DNER: variants seen among roughly 807,000 people sequenced by gnomAD.
DNER encodes the protein delta/notch like EGF repeat containing.
In DNER, 33 loss-of-function variants were observed where a neutral mutation model predicts 78.2. The ratio of observed to expected loss-of-function variants is 0.42; its 90% CI spans 0.32 to 0.56. The LOEUF (loss-of-function observed/expected upper bound fraction) is 0.56, where lower values mean the gene tolerates loss of function less well. Ranked by LOEUF, DNER falls within the 20% of genes least tolerant of loss-of-function variation. DNER has a pLI of 0.11. For synonymous variants in DNER, 417 were observed against 384.8 expected, an observed-to-expected ratio of 1.08 and a Z score of -0.98; for missense variants, 918 against 975.3, an observed-to-expected ratio of 0.94 and a Z score of 0.78.
At chr2:229,399,885 A>T (rs1693230606) in intron 10 of DNER, among the ~76,000 whole-genome samples, 1 of 152,036 alleles carries the variant, frequency 6.6e-6, no homozygotes, top group African/African-American at 2.4e-5. Context: ...AAACTGTGAG[A>T]AAAGATTCTA....
intron 6 of DNER, among the ~76,000 whole-genome samples, chr2:229,478,829 C>T (rs760315533): frequency 2.0e-5 from 3 of 151,780 alleles, no homozygotes; most frequent in South Asian, 2.1e-4. Flanking sequence ...TTTTAAGTTC[C>T]GGGGTACCTG....
intron 1 of DNER, among the ~76,000 whole-genome samples, chr2:229,674,490 G>A (rs1485167061): frequency 2.6e-5 from 4 of 152,160 alleles, no homozygotes; most frequent in South Asian, 2.1e-4. Context: ...TGTTGACCAG[G>A]CTGGCCTCGA....
At chr2:229,512,746 A>G in intron 6 of DNER, 37 bp downstream of exon 6, 4 of 1,612,730 alleles carry the variant, frequency 2.5e-6, no homozygotes, top group Non-Finnish European at 3.4e-6. Flanking sequence ...CTGTACAGAC[A>G]TACACCTAAT....
chr2:229,365,331 T>A (rs1490726107), intron 12 of DNER, among the ~76,000 whole-genome samples: 3 of 152,146 alleles, frequency 2.0e-5, no homozygotes, highest in Middle Eastern at 3.2e-3. Context: ...TCTACGGGCC[T>A]GCCCAGGTCA....
chr2:229,380,880 A>G (rs1457294977), intron 11 of DNER, among the ~76,000 whole-genome samples: 1 of 152,126 alleles, frequency 6.6e-6, no homozygotes, highest in East Asian at 1.9e-4. Context: ...AGCTGAGATC[A>G]TACCACTGCA....
chr2:229,600,357 C>T (rs1029126765), intron 1 of DNER, among the ~76,000 whole-genome samples: 1 of 152,152 alleles, frequency 6.6e-6, no homozygotes, highest in Admixed American at 6.6e-5. Context: ...GTTTCCCAGT[C>T]CCTGATCTAG....
chr2:229,680,824 A>G (rs183485658), intron 1 of DNER, among the ~76,000 whole-genome samples: 7 of 152,394 alleles, frequency 4.6e-5, no homozygotes, highest in Admixed American at 2.0e-4. Context: ...TTTGAAAACC[A>G]TATAGAGAAC....
At chr2:229,532,662 A>C (rs1170678593) in intron 5 of DNER, among the ~76,000 whole-genome samples, 2 of 152,238 alleles carry the variant, frequency 1.3e-5, no homozygotes, top group Non-Finnish European at 2.9e-5. Flanking sequence ...GAAGCCGACC[A>C]ATTTCCTGGA....
chr2:229,616,623 G>GCACT, intron 1 of DNER, among the ~76,000 whole-genome samples: 1 of 152,240 alleles, frequency 6.6e-6, no homozygotes, highest in South Asian at 2.1e-4. Context: ...GAGAACAATG[G>GCACT]CACTCTCTAT....
At chr2:229,360,083 A>G (rs771278193) in intron 12 of DNER, among the ~76,000 whole-genome samples, 1 of 152,232 alleles carries the variant, frequency 6.6e-6, no homozygotes, top group African/African-American at 2.4e-5. Context: ...GGCCTGCATA[A>G]TCTAAGGATA....
chr2:229,528,088 A>G (rs1185517793), intron 5 of DNER, among the ~76,000 whole-genome samples: 1 of 152,216 alleles, frequency 6.6e-6, no homozygotes, highest in Non-Finnish European at 1.5e-5. Context: ...TCTTCCAACA[A>G]TTATCCTGCA....
intron 11 of DNER, among the ~76,000 whole-genome samples, chr2:229,380,443 G>T (rs1310957069): frequency 2.0e-5 from 3 of 152,172 alleles, no homozygotes; most frequent in Admixed American, 1.3e-4. Context: ...GTGAGCAGGT[G>T]ACAGAGCGCG....
intron 1 of DNER, among the ~76,000 whole-genome samples, chr2:229,625,191 T>C (rs1042925803): frequency 1.3e-5 from 2 of 152,154 alleles, no homozygotes; most frequent in African/African-American, 4.8e-5. Context: ...AAAATCTGCT[T>C]CCTCAGTGTA....
Position 229,367,000 on chromosome 2 carries a change from C to A in DNER, c.1975G>T (p.Val659Leu), listed in dbSNP as rs370587377. ...AFILMLIILIVGICRISRIEY... is the reference protein window; with the variant it reads ...AFILMLIILILGICRISRIEY... The stretch of plus-strand genomic sequence containing the variant: ...ATGCGGCTGATGCGGCAAATCCCCA[C>A]GATCAGGATGATCAGCATAAGGATG... Residue 659 changes from valine to leucine, a missense_variant, in exon 12 of 13, where the codon GTG becomes TTG. Coordinates refer to ENST00000341772, the MANE Select transcript of DNER (RefSeq NM_139072.4). 4.3e-6 allele frequency: 7 copies of A among 1,613,980 alleles called. No individual in the cohort carries two copies. The highest frequency in any genetic ancestry group is 2.7e-5 in the African/African-American group (2 of 74,912).
intron 7 of DNER, among the ~76,000 whole-genome samples, chr2:229,453,955 A>ACC (rs1694516937): frequency 6.6e-6 from 1 of 151,350 alleles, no homozygotes; most frequent in Non-Finnish European, 1.5e-5. Flanking sequence ...AAGAAGAGAA[A>ACC]CCAGGAGAGA....
At chr2:229,469,078 T>C (rs147025663) in intron 7 of DNER, among the ~76,000 whole-genome samples, 12 of 152,320 alleles carry the variant, frequency 7.9e-5, no homozygotes, top group Non-Finnish European at 1.3e-4. Context: ...ACATAAAATG[T>C]TATTGTCAGG....
rs147011085 is a variant in DNER at position 229,611,812 on chromosome 2, A to T, written c.277-19924T>A. 5.1e-3 allele frequency among the ~76,000 whole-genome samples: 781 copies of T among 152,260 alleles called. 6 individuals carry two copies. The highest frequency in any genetic ancestry group is 8.2e-3 in the Non-Finnish European group (556 of 68,026). On this transcript the variant is annotated intron_variant, in intron 1 of 12. Transcript: ENST00000341772. ...CCAGCCCTTCCTCTAAGACGTACTG[A>T]CAGGAAATCATAAATAACCACCTTG... is the stretch of plus-strand genomic sequence containing the variant.
intron 6 of DNER, among the ~76,000 whole-genome samples, chr2:229,479,940 A>C (rs1462623892): frequency 6.6e-6 from 1 of 152,172 alleles, no homozygotes; most frequent in African/African-American, 2.4e-5. Context: ...AAGGATGTGG[A>C]TGGCATCATG....
rs1697606875 is a variant in DNER at position 229,591,565 on chromosome 2, A to T, written c.585+15T>A. 1 of 1,609,302 alleles carries T rather than the reference A, an allele frequency of 6.2e-7. No individual in the cohort carries two copies. The highest frequency in any genetic ancestry group is 8.5e-7 in the Non-Finnish European group (1 of 1,177,334). On this transcript the variant is annotated intron_variant, in intron 2 of 12. Transcript: ENST00000341772. This position sits in a 1 kb window ranked among gnomAD's most constrained non-coding sequence, Gnocchi z 4.6. ...GGTTTCTAATGTAAAAATGCACATGATATAACGTTCTCACCTCCACTTGAT... is the reference window on the plus strand; with the variant it reads ...GGTTTCTAATGTAAAAATGCACATGTTATAACGTTCTCACCTCCACTTGAT...
Sources: allele counts gnomAD v4.1 joint callset (sites outside exome capture counted in the v4.1 genomes callset), GRCh38; gene constraint gnomAD v4.1.1; non-coding constraint Gnocchi (gnomAD v3.1); transcripts MANE v1.5; gene names NCBI Gene and HGNC (gene_info 2026-07-23, HGNC 2026-07-21).